RNF150: variants seen among roughly 807,000 people sequenced by gnomAD.
RNF150 encodes ring finger protein 150.
RNF150 carries 24 observed loss-of-function variants against 39.3 expected under a neutral mutation model. That is an observed-to-expected ratio of 0.61 (90% CI 0.44 to 0.86). The LOEUF is 0.86. RNF150 is among the 40% of genes least tolerant of loss of function. The pLI is 0.00. For synonymous variants in RNF150, 255 were observed against 227.3 expected, an observed-to-expected ratio of 1.12 and a Z score of -1.10; for missense variants, 502 against 587.8, an observed-to-expected ratio of 0.85 and a Z score of 1.51.
intron 1 of RNF150, among the ~76,000 whole-genome samples, chr4:141,096,190 C>CTTTTTTTTT (rs780868429): frequency 1.0e-4 from 7 of 67,980 alleles, no homozygotes; most frequent in East Asian, 6.2e-4. Context: ...TTTTAGCTTT[C>CTTTTTTTTT]TTTTTTTTTT....
At chr4:140,879,800 C>T (rs951099510) in intron 6 of RNF150, among the ~76,000 whole-genome samples, 2 of 151,964 alleles carry the variant, frequency 1.3e-5, no homozygotes, top group Non-Finnish European at 2.9e-5. Context: ...TCCTGTGTGG[C>T]AGAGCAAAAT....
chr4:141,205,824 G>C (rs1385316056), intron 1 of RNF150, among the ~76,000 whole-genome samples: 1 of 152,040 alleles, frequency 6.6e-6, no homozygotes, highest in Non-Finnish European at 1.5e-5. Flanking sequence ...TCCTAGTTTT[G>C]GTCAGTGCAT....
At chr4:141,178,254 G>A (rs958116069) in intron 1 of RNF150, among the ~76,000 whole-genome samples, 2 of 152,126 alleles carry the variant, frequency 1.3e-5, no homozygotes, top group African/African-American at 4.8e-5. Context: ...ATGTGTGTGT[G>A]TGTGTGTGCG....
At chr4:140,926,928 T>C (rs1731420401) in intron 4 of RNF150, among the ~76,000 whole-genome samples, 1 of 152,182 alleles carries the variant, frequency 6.6e-6, no homozygotes, top group Non-Finnish European at 1.5e-5. Context: ...TCTGAGGACT[T>C]CCTCAGGACA....
rs1731983975 is a variant in RNF150, at chr4:140,939,244, T to C, written c.890+8410A>G. Among the ~76,000 whole-genome samples, 7 of 152,330 alleles carry C rather than the reference T, an allele frequency of 4.6e-5. No individual in the cohort carries two copies. In the South Asian group the frequency reaches 1.4e-3, roughly 32 times the overall value. On this transcript the variant is annotated intron_variant, in intron 4 of 6. Transcript: ENST00000515673. ...CATTTATTCTGTTTTTTATTTTTGGTCTCATATGAAACTGTTTAAAAAATT... is the reference window on the plus strand; with the variant it reads ...CATTTATTCTGTTTTTTATTTTTGGCCTCATATGAAACTGTTTAAAAAATT...
At chr4:141,056,926 T>A (rs913202892) in intron 1 of RNF150, among the ~76,000 whole-genome samples, 38 of 152,260 alleles carry the variant, frequency 2.5e-4, no homozygotes, top group African/African-American at 7.5e-4. Context: ...ACTGTTTTTT[T>A]AAAAATATTA....
At chr4:141,024,354 G>A (rs28428787) in intron 1 of RNF150, among the ~76,000 whole-genome samples, 58,865 of 151,852 alleles carry the variant, frequency 0.39, 11,925 homozygotes, top group South Asian at 0.58. Flanking sequence ...CTATCTGTGG[G>A]TCTCTCTCCA....
chr4:141,110,568 C>T (rs544651557), intron 1 of RNF150, among the ~76,000 whole-genome samples: 9 of 151,634 alleles, frequency 5.9e-5, no homozygotes, highest in Non-Finnish European at 8.8e-5. Flanking sequence ...TCCATGCCAC[C>T]ACACCTAATT....
intron 1 of RNF150, among the ~76,000 whole-genome samples, chr4:141,003,457 A>T (rs1734746052): frequency 6.6e-6 from 1 of 152,104 alleles, no homozygotes; most frequent in Non-Finnish European, 1.5e-5. Context: ...AAGAGAAAGA[A>T]CATAAATGGC....
intron 1 of RNF150, among the ~76,000 whole-genome samples, chr4:141,036,950 T>C (rs1326465130): frequency 6.6e-6 from 1 of 152,188 alleles, no homozygotes; most frequent in Non-Finnish European, 1.5e-5. Flanking sequence ...GATGTGAATA[T>C]TTCTAACAAG....
chr4:141,001,743 G>T (rs1393657729), intron 1 of RNF150, among the ~76,000 whole-genome samples: 1 of 152,058 alleles, frequency 6.6e-6, no homozygotes, highest in Non-Finnish European at 1.5e-5. Flanking sequence ...TGGAAAAGGA[G>T]CAATAGGGAT....
chr4:141,018,059 A>G (rs1307985808), intron 1 of RNF150, among the ~76,000 whole-genome samples: 1 of 152,138 alleles, frequency 6.6e-6, no homozygotes, highest in African/African-American at 2.4e-5. Flanking sequence ...ATTAAAATAT[A>G]CTATCATTTG....
intron 1 of RNF150, among the ~76,000 whole-genome samples, chr4:141,072,884 A>T (rs913786303): frequency 2.0e-5 from 3 of 152,140 alleles, no homozygotes; most frequent in Non-Finnish European, 2.9e-5. Context: ...TTTAAAAACA[A>T]TTATTTTATA....
chr4:140,892,456 A>C (rs1257722173), intron 6 of RNF150, among the ~76,000 whole-genome samples: 1 of 152,232 alleles, frequency 6.6e-6, no homozygotes, highest in Non-Finnish European at 1.5e-5. Flanking sequence ...GCTGCTTTTC[A>C]TGTATTTATT....
At chr4:140,917,511 C>A (rs1255037590) in intron 5 of RNF150, among the ~76,000 whole-genome samples, 1 of 152,078 alleles carries the variant, frequency 6.6e-6, no homozygotes, top group East Asian at 1.9e-4. Context: ...ATATATGAAC[C>A]CAATACAGGA....
rs1397275514 is a variant in RNF150, at chr4:141,070,690, T to C, written c.484+61635A>G. On this transcript the variant is annotated intron_variant, in intron 1 of 6. Transcript: ENST00000515673. ...ATCAAAACCACAATGAGATACCATC[T>C]CACACCAGCTAGAATGGCAATCATT... Among the ~76,000 whole-genome samples the C allele has an allele frequency of 1.6e-5, 2 of 127,634 alleles. 1 individual carries two copies. Among genetic ancestry groups the C allele is most frequent in the Non-Finnish European group, 3.7e-5 (2 of 53,972 alleles). The allele number at this position is 127,634 out of a possible 152,430, so 83.7% of individuals were successfully genotyped here. A position where few individuals can be genotyped will look rare whatever the true frequency, so the allele number is the denominator to read the frequency against.
At chr4:141,049,488 A>G (rs926993968) in intron 1 of RNF150, among the ~76,000 whole-genome samples, 9 of 152,254 alleles carry the variant, frequency 5.9e-5, no homozygotes, top group Admixed American at 3.9e-4. Context: ...ACTTCAATGG[A>G]TAAGTGGGTA....
At chr4:141,082,973 A>G (rs13106123) in intron 1 of RNF150, among the ~76,000 whole-genome samples, 53,709 of 152,122 alleles carry the variant, frequency 0.35, 11,256 homozygotes, top group Non-Finnish European at 0.46. Flanking sequence ...AGGTAATCTG[A>G]AAAATATATG....
At chr4:141,005,476 A>C (rs1465384676) in intron 1 of RNF150, among the ~76,000 whole-genome samples, 2 of 152,178 alleles carry the variant, frequency 1.3e-5, no homozygotes, top group East Asian at 3.9e-4. Context: ...AGATAGGAGG[A>C]AAAACCAGGC....
Sources: allele counts gnomAD v4.1 joint callset (sites outside exome capture counted in the v4.1 genomes callset), GRCh38; gene constraint gnomAD v4.1.1; transcripts MANE v1.5; gene names NCBI Gene and HGNC (gene_info 2026-07-23, HGNC 2026-07-21).